Variants in PSMD2 observed in about 807,000 individuals in gnomAD.
PSMD2 encodes the protein 26S proteasome non-ATPase regulatory subunit 2.
Under a neutral mutation model 101.5 loss-of-function variants are expected in PSMD2, and 8 were observed. That is an observed-to-expected ratio of 0.08 (90% CI 0.05 to 0.14). The LOEUF (loss-of-function observed/expected upper bound fraction) is 0.14. PSMD2 is among the 10% of genes least tolerant of loss of function. The pLI is 1.00. For synonymous variants in PSMD2, 418 were observed against 433.8 expected, an observed-to-expected ratio of 0.96 and a Z score of 0.45; for missense variants, 784 against 1,147.4, an observed-to-expected ratio of 0.68 and a Z score of 4.58.
In PSMD2 at chr3:184,306,752, G is replaced by A. The variant is rs752506498; in HGVS notation, c.1952G>A (p.Gly651Glu). Reference protein sequence around the residue: ...EAPADMGAHQGVAVLGIALIA... With the variant: ...EAPADMGAHQEVAVLGIALIA... The stretch of plus-strand genomic sequence containing the variant: ...GTTCTGCTCTCTCTTCAATTGCAGG[G>A]AGTGGCTGTTCTGGGGATTGCCCTT... The change falls in exon 16 of 21, where the codon GGA (glycine) becomes GAA (glutamate). Residue 651 changes from glycine (G) to glutamate (E), a missense_variant and splice_region_variant. Around this residue, in one of 6 missense-constraint regions of PSMD2, gnomAD observed 282 missense variants for 437.6 expected, o/e 0.64. Transcript: ENST00000310118. 1.2e-6 allele frequency: 2 copies of A among 1,613,426 alleles called. No individual in the cohort carries two copies. Among genetic ancestry groups the A allele is most frequent in the Admixed American group, 3.3e-5 (2 of 59,866 alleles).
chr3:184,308,547 G>T lies in PSMD2; in HGVS notation c.2524G>T (p.Val842Leu). 1 of 1,613,876 alleles carries T rather than the reference G, an allele frequency of 6.2e-7. No individual in the cohort carries two copies. The highest frequency in any genetic ancestry group is 8.5e-7 in the Non-Finnish European group (1 of 1,179,942). The change falls in exon 20 of 21, where the codon GTG (valine) becomes TTG (leucine). Residue 842 changes from valine (V) to leucine (L), a missense_variant. This residue lies in a region of PSMD2 where 28 missense variants were observed against 80.8 expected (regional missense o/e 0.35). Transcript: ENST00000310118. The surrounding 1 kb of genome is among the most constrained non-coding windows in gnomAD (Gnocchi z 6.0). ...TFDEELRPLPVSVRVGQAVDV... is the reference protein window; with the variant it reads ...TFDEELRPLPLSVRVGQAVDV... ...TGATGAGGAGCTGCGGCCATTGCCA[G>T]TGTCTGTCCGTGTGGGCCAGGTGAG...
chr3:184,307,137 G>GT (rs1247847234), intron 16 of PSMD2, among the ~76,000 whole-genome samples: 5 of 152,030 alleles, frequency 3.3e-5, no homozygotes, highest in Non-Finnish European at 7.4e-5. Context: ...TAGAGACAGG[G>GT]TTTTACCATG....
chr3:184,308,672 T>G lies in PSMD2; in HGVS notation c.2545-36T>G. 1 of 1,600,652 alleles carries G rather than the reference T, an allele frequency of 6.2e-7. No individual in the cohort carries two copies. Among genetic ancestry groups the G allele is most frequent in the South Asian group, 1.1e-5 (1 of 90,542 alleles). On this transcript the variant is annotated intron_variant, in intron 20 of 20. Transcript: ENST00000310118. The surrounding 1 kb of genome is among the most constrained non-coding windows in gnomAD (Gnocchi z 6.0). ...GGCGTGGGCGGTGGCTTGTCGCTAC[T>G]TTTCCATCTCTCTTTTCAATTTTCT...
At position 184,303,060 on chromosome 3, in the gene PSMD2, A is replaced by C. The variant is rs372775967; in HGVS notation, c.1067A>C (p.Asn356Thr). The C allele has an allele frequency of 6.2e-7, 1 of 1,613,408 alleles. No homozygotes were observed. Among genetic ancestry groups the C allele is most frequent in the Non-Finnish European group, 8.5e-7 (1 of 1,179,528 alleles). ...ATCTACAAAACCCACCTAGAGAACA[A>C]CAGTGAGTAGCCCTCTCTGTGTATG... ...DDIYKTHLEN[N>T]RFGGSGSQVD... Residue 356 changes from asparagine (N) to threonine (T), a missense_variant and splice_region_variant, in exon 8 of 21, where the codon AAC becomes ACC. By Grantham distance (65) the Asn-to-Thr change is moderately conservative. Transcript: ENST00000310118.
At position 184,304,622 on chromosome 3, in the gene PSMD2, G is replaced by A. The variant is rs1014049740; in HGVS notation, c.1539+231G>A. Among the ~76,000 whole-genome samples, 7 of 152,066 alleles carry A rather than the reference G, an allele frequency of 4.6e-5. No individual in the cohort carries two copies. Among genetic ancestry groups the A allele is most frequent in the South Asian group, 2.1e-4 (1 of 4,832 alleles). On this transcript the variant is annotated intron_variant, in intron 12 of 20. Transcript: ENST00000310118. This position sits in a 1 kb window ranked among gnomAD's most constrained non-coding sequence, Gnocchi z 4.1. ...CATTTTAGGCCTGGCACGGTGGCTC[G>A]TGCCTATAATCCCAGCACTTTGGGA...
intron 5 of PSMD2, 97 bp downstream of exon 5, chr3:184,302,168 C>T: frequency 7.5e-7 from 1 of 1,341,422 alleles, no homozygotes; most frequent in Non-Finnish European, 1.1e-6. Context: ...TTTGCTCAAG[C>T]ATAGCATCAC....
intron 13 of PSMD2, 36 bp from the exon 14 acceptor site, chr3:184,306,018 G>T: frequency 6.2e-7 from 1 of 1,613,644 alleles, no homozygotes; most frequent in Non-Finnish European, 8.5e-7. Flanking sequence ...CTGGATGGAG[G>T]CAAGTATCCT....
At position 184,307,515 on chromosome 3, in the gene PSMD2, G is replaced by T; in HGVS notation, c.2193G>T (p.Met731Ile). ...VSYNSIFAMGMVGSGTNNARL... is the reference protein window; with the variant it reads ...VSYNSIFAMGIVGSGTNNARL... Reference sequence around the variant, plus strand: ...ATAACTCCATTTTTGCCATGGGCATGGTGGGCAGTGGTGAGTATCCGGCAG... The same window carrying T: ...ATAACTCCATTTTTGCCATGGGCATTGTGGGCAGTGGTGAGTATCCGGCAG... Residue 731 changes from methionine (M) to isoleucine (I), a missense_variant, in exon 17 of 21, where the codon ATG (methionine) becomes ATT (isoleucine). Met to Ile is a conservative substitution (Grantham distance 10, BLOSUM62 1). Around this residue, in one of 6 missense-constraint regions of PSMD2, gnomAD observed 282 missense variants for 437.6 expected, o/e 0.64. Transcript: ENST00000310118. 1 of 1,614,230 alleles carries T rather than the reference G, an allele frequency of 6.2e-7. No individual in the cohort carries two copies. The highest frequency in any genetic ancestry group is 8.5e-7 in the Non-Finnish European group (1 of 1,180,050).
intron 7 of PSMD2, 80 bp from the exon 8 acceptor site, chr3:184,302,922 A>G: frequency 6.2e-7 from 1 of 1,609,320 alleles, no homozygotes; most frequent in Non-Finnish European, 8.5e-7. Context: ...CTTGATTAGA[A>G]TTGCCATTCA....
At position 184,299,262 on chromosome 3, in the gene PSMD2, C is replaced by T; in HGVS notation, c.-5C>T. 7.5e-7 allele frequency: 1 copy of T among 1,337,274 alleles called. No homozygotes were observed. The highest frequency in any genetic ancestry group is 9.6e-7 in the Non-Finnish European group (1 of 1,045,406). 82.8% of individuals were successfully genotyped at this position (1,337,274 alleles called of 1,614,324 possible). ...GCGCGCAGCGGGCCGGCAGTGGCGG[C>T]GGAGATGGAGGAGGGAGGCCGGGAC... On this transcript the variant is annotated 5_prime_UTR_variant, in exon 1 of 21. Transcript: ENST00000310118.
rs1240791948 is a variant in PSMD2 at position 184,306,505 on chromosome 3, G to A, written c.1950+10G>A. 3 of 1,610,292 alleles carry A rather than the reference G, an allele frequency of 1.9e-6. No individual in the cohort carries two copies. The highest frequency in any genetic ancestry group is 2.2e-5 in the South Asian group (2 of 90,742). Reference sequence around the variant, plus strand: ...CATGGGAGCACATCAGGTTATATGGGCAGCTGGGCACTTGCAGAGAGGCTG... The same window carrying A: ...CATGGGAGCACATCAGGTTATATGGACAGCTGGGCACTTGCAGAGAGGCTG... On this transcript the variant is annotated intron_variant, in intron 15 of 20. Transcript: ENST00000310118.
intron 10 of PSMD2, 51 bp from the exon 11 acceptor site, chr3:184,303,896 C>G: frequency 6.2e-7 from 1 of 1,613,386 alleles, no homozygotes; most frequent in Non-Finnish European, 8.5e-7. Flanking sequence ...GCATCCTTTG[C>G]GGTGAGGAAG....
At chr3:184,306,872 T>C (rs376955615) in intron 16 of PSMD2, 38 bp downstream of exon 16, 5 of 1,558,308 alleles carry the variant, frequency 3.2e-6, no homozygotes, top group Non-Finnish European at 4.4e-6. Context: ...TATACTGGTT[T>C]TGATGGCCTG....
chr3:184,307,561 G>C (rs370153084), intron 17 of PSMD2, 36 bp downstream of exon 17: 3 of 1,613,888 alleles, frequency 1.9e-6, no homozygotes, highest in Non-Finnish European at 2.5e-6. Flanking sequence ...TAAACAGATT[G>C]GGGGAAGATT....
chr3:184,301,462 A>G (rs1721640219), intron 3 of PSMD2, 75 bp from the exon 4 acceptor site: 19 of 1,555,652 alleles, frequency 1.2e-5, no homozygotes, highest in Non-Finnish European at 1.7e-5. Context: ...GGAGACAATG[A>G]TCTTGATTCC....
intron 12 of PSMD2, among the ~76,000 whole-genome samples, chr3:184,305,209 GA>G (rs1721789009): frequency 1.3e-5 from 2 of 152,274 alleles, no homozygotes; most frequent in South Asian, 2.1e-4. Context: ...CATAAAAGGG[GA>G]TAACAGCCAG....
chr3:184,300,304 C>A lies in PSMD2; in HGVS notation c.217C>A (p.Pro73Thr), dbSNP rs1472581664. Residue 73 changes from proline (P) to threonine (T), a missense_variant, in exon 3 of 21, where the codon CCA becomes ACA. Pro to Thr is a conservative substitution (Grantham distance 38). Coordinates refer to ENST00000310118, the MANE Select transcript of PSMD2 (RefSeq NM_002808.5). ...LGEKDTSLYR[P>T]ALEELRRQIR... ...GGAGAAGGATACATCCCTGTATCGACCAGCGCTGGAGGAATTGCGAAGGCA... is the reference window on the plus strand; with the variant it reads ...GGAGAAGGATACATCCCTGTATCGAACAGCGCTGGAGGAATTGCGAAGGCA... The A allele has an allele frequency of 6.2e-7, 1 of 1,613,880 alleles. No homozygotes were observed. The highest frequency in any genetic ancestry group is 1.7e-5 in the Admixed American group (1 of 60,004).
chr3:184,300,697 C>T lies in PSMD2; in HGVS notation c.357+253C>T, dbSNP rs1302062287. 3.3e-6 allele frequency: 4 copies of T among 1,199,714 alleles called. No homozygotes were observed. In the East Asian group the frequency reaches 1.1e-4, roughly 34 times the overall value. The allele number at this position is 1,199,714 out of a possible 1,614,324, so 74.3% of individuals were successfully genotyped here. A position where few individuals can be genotyped will look rare whatever the true frequency, so the allele number is the denominator to read the frequency against. Reference sequence around the variant, plus strand: ...GGTCTACTTTTAACGTATGTTTAACCTTGATTTTTCTCTTTTCTTCTATCC... The same window carrying T: ...GGTCTACTTTTAACGTATGTTTAACTTTGATTTTTCTCTTTTCTTCTATCC... On this transcript the variant is annotated intron_variant, in intron 3 of 20. Transcript: ENST00000310118.
intron 15 of PSMD2, 97 bp downstream of exon 15, chr3:184,306,592 T>G (rs1721840065): frequency 1.3e-6 from 2 of 1,544,202 alleles, no homozygotes; most frequent in Non-Finnish European, 1.7e-6. Context: ...CCTCTCTGGG[T>G]ATTGCCATGT....
Sources: gnomAD v4.1 joint callset for allele counts (sites outside exome capture counted in the v4.1 genomes callset) on GRCh38, gnomAD v4.1.1 for gene constraint, gnomAD v4.1.1 regional missense constraint, Gnocchi (gnomAD v3.1) non-coding constraint, MANE v1.5 for transcripts, NCBI Gene and HGNC (gene_info 2026-07-23, HGNC 2026-07-21) for gene names.